MEST: variants seen among roughly 807,000 people sequenced by gnomAD.
MEST encodes mesoderm specific transcript.
Under a neutral mutation model 50.9 loss-of-function variants are expected in MEST, and 18 were observed. The ratio of observed to expected loss-of-function variants is 0.35; its 90% CI spans 0.24 to 0.52. The LOEUF (loss-of-function observed/expected upper bound fraction) is 0.52, where lower values mean the gene tolerates loss of function less well. MEST is among the 20% of genes least tolerant of loss of function. The pLI is 0.94. For synonymous variants in MEST, 130 were observed against 154.1 expected (o/e 0.84, Z 1.16); for missense variants, 282 against 425.3 (o/e 0.66, Z 2.96).
At chr7:130,495,343 C>T (rs782444446) in intron 1 of MEST, 25 bp from the exon 2 acceptor site, 1 of 1,583,956 alleles carries the variant, frequency 6.3e-7, no homozygotes, top group East Asian at 2.3e-5. Flanking sequence ...TGACTGCTTA[C>T]AGTGGGTCTC....
At chr7:130,494,452 G>A (rs1319137515) in intron 1 of MEST, 1 of 152,302 alleles carries the variant, frequency 6.6e-6, no homozygotes, top group South Asian at 2.1e-4. Flanking sequence ...TTGTCAATGT[G>A]GATAAACTGA....
rs143264785 is a variant in MEST at position 130,504,951 on chromosome 7, G to A, written c.903G>A (p.Pro301=). ...TCTCTTCCACTAGGAAAACGCTGCC[G>A]CGGTCCACAGTGTCGATTCTGGATG... ...EFLELYRKTL[P]RSTVSILDDH... The change falls in exon 12 of 12, where the codon CCG becomes CCA. Residue 301 remains proline (P), a synonymous_variant. Coordinates refer to ENST00000223215, the MANE Select transcript of MEST (RefSeq NM_002402.4). 3.5e-5 allele frequency: 57 copies of A among 1,613,680 alleles called. No individual in the cohort carries two copies. Among genetic ancestry groups the A allele is most frequent in the African/African-American group, 1.1e-4 (8 of 75,000 alleles).
Position 130,492,698 on chromosome 7 carries a change from G to T in MEST, c.26+359G>T, listed in dbSNP as rs141416979. 1.3e-3 allele frequency: 291 copies of T among 224,516 alleles called. No individual in the cohort carries two copies. The highest frequency in any genetic ancestry group is 6.2e-3 in the African/African-American group (274 of 44,068). 13.9% of individuals were successfully genotyped at this position (224,516 alleles called of 1,614,324 possible). ...ATTTTTAGATCCTGGCATCACCCTGGTGCGATTTAGGATTTTTATACTCAG... is the reference window on the plus strand; with the variant it reads ...ATTTTTAGATCCTGGCATCACCCTGTTGCGATTTAGGATTTTTATACTCAG... On this transcript the variant is annotated intron_variant, in intron 1 of 11. Transcript: ENST00000223215. The surrounding 1 kb of genome is among the most constrained non-coding windows in gnomAD (Gnocchi z 7.6).
At chr7:130,491,287 C>G (rs1460071334), upstream of MEST, 3 of 152,302 alleles carry the variant, frequency 2.0e-5, no homozygotes, top group African/African-American at 7.2e-5. The surrounding 1 kb of genome is among the most constrained non-coding windows in gnomAD (Gnocchi z 6.8). Context: ...GCCCACTGTT[C>G]TGTGCAGCGC....
In MEST at chr7:130,492,482, C is replaced by T. The variant is rs1228199274; in HGVS notation, c.26+143C>T. ...CGACAGGCGGCACGCATTCCGCGCC[C>T]GCTCTGCCTACTTGAGGAGGGGGTG... On this transcript the variant is annotated intron_variant, in intron 1 of 11. Transcript: ENST00000223215. The surrounding 1 kb of genome is among the most constrained non-coding windows in gnomAD (Gnocchi z 7.6). 2 of 614,248 alleles carry T rather than the reference C, an allele frequency of 3.3e-6. No individual in the cohort carries two copies. The highest frequency in any genetic ancestry group is 4.7e-6 in the Non-Finnish European group (2 of 424,048). 38.0% of individuals were successfully genotyped at this position (614,248 alleles called of 1,614,324 possible).
chr7:130,497,713 G>C lies in MEST; in HGVS notation c.262-223G>C. ...GGAATAAACAACTCCTTGGCACTCT[G>C]GAAGGGATCACTGCCAAGTTACCCT... On this transcript the variant is annotated intron_variant, in intron 3 of 11. Transcript: ENST00000223215. This position sits in a 1 kb window ranked among gnomAD's most constrained non-coding sequence, Gnocchi z 4.0. The C allele has an allele frequency of 1.7e-6, 1 of 581,760 alleles. No homozygotes were observed. The highest frequency in any genetic ancestry group is 3.1e-6 in the Non-Finnish European group (1 of 325,494). 36.0% of individuals were successfully genotyped at this position (581,760 alleles called of 1,614,324 possible).
upstream of MEST, chr7:130,491,554 G>C (rs1425785583): frequency 2.0e-5 from 3 of 152,330 alleles, no homozygotes; most frequent in Non-Finnish European, 4.4e-5. The surrounding 1 kb of genome is among the most constrained non-coding windows in gnomAD (Gnocchi z 6.8). Context: ...CGGTAGTTAA[G>C]CTTAGGGCGC....
At chr7:130,488,868 C>G (rs1798699920), upstream of MEST, 1 of 152,060 alleles carries the variant, frequency 6.6e-6, no homozygotes, top group East Asian at 1.9e-4. Context: ...TTGGTACTTC[C>G]CCTCAGTCTG....
rs782177778 is a variant in MEST at position 130,500,883 on chromosome 7, A to G, written c.742A>G (p.Ile248Val). 6.2e-7 allele frequency: 1 copy of G among 1,613,536 alleles called. No individual in the cohort carries two copies. Among genetic ancestry groups the G allele is most frequent in the Non-Finnish European group, 8.5e-7 (1 of 1,179,792 alleles). ...GIRNNDGNLV[I>V]DSLLQYINQR... ...CCGCAACAATGACGGGAACTTAGTC[A>G]TTGACAGGTAAGAAGTTACCCTTTG... The change falls in exon 9 of 12, where the codon ATT becomes GTT. Residue 248 changes from isoleucine (I) to valine (V), a missense_variant. Transcript: ENST00000223215. This position sits in a 1 kb window ranked among gnomAD's most constrained non-coding sequence, Gnocchi z 5.0.
Position 130,500,856 on chromosome 7 carries a change from A to G in MEST, c.715A>G (p.Ile239Val). 1 of 1,613,986 alleles carries G rather than the reference A, an allele frequency of 6.2e-7. No homozygotes were observed. Among genetic ancestry groups the G allele is most frequent in the Non-Finnish European group, 8.5e-7 (1 of 1,179,958 alleles). Residue 239 changes from isoleucine to valine, a missense_variant, in exon 9 of 12, where the codon ATC (isoleucine) becomes GTC (valine). Coordinates refer to ENST00000223215, the MANE Select transcript of MEST (RefSeq NM_002402.4). The surrounding 1 kb of genome is among the most constrained non-coding windows in gnomAD (Gnocchi z 5.0). Reference sequence around the variant, plus strand: ...TGAGCTGTGGGACATGTGGGCAGGGATCCGCAACAATGACGGGAACTTAGT... The same window carrying G: ...TGAGCTGTGGGACATGTGGGCAGGGGTCCGCAACAATGACGGGAACTTAGT... The part of the protein sequence containing the change: ...ESELWDMWAG[I>V]RNNDGNLVID...
chr7:130,498,560 GATA>G (rs1554437814), intron 6 of MEST, 83 bp downstream of exon 6: 2 of 1,244,008 alleles, frequency 1.6e-6, no homozygotes, highest in Admixed American at 3.5e-5. Flanking sequence ...ATGGTAATCT[GATA>G]ATATTTCAAG....
At chr7:130,498,667 TTAA>T in intron 6 of MEST, 190 bp downstream of exon 6, 1 of 623,474 alleles carries the variant, frequency 1.6e-6, no homozygotes, top group Non-Finnish European at 2.8e-6. Flanking sequence ...TCAGAATGTT[TTAA>T]AATAAAGAAA....
At chr7:130,493,628 ACCC>A (rs1243485371) in intron 1 of MEST, among the ~76,000 whole-genome samples, 1 of 150,782 alleles carries the variant, frequency 6.6e-6, no homozygotes, top group Non-Finnish European at 1.5e-5. Flanking sequence ...TCGTTTTTTA[ACCC>A]CCCACTTTCC....
At chr7:130,504,145 G>T in intron 11 of MEST, 149 bp downstream of exon 11, 1 of 620,838 alleles carries the variant, frequency 1.6e-6, no homozygotes, top group Non-Finnish European at 2.9e-6. Context: ...ATTGAGTTGA[G>T]GAATCTTATT....
At chr7:130,488,698 A>T (rs1422272888), upstream of MEST, 1 of 152,250 alleles carries the variant, frequency 6.6e-6, no homozygotes, top group Non-Finnish European at 1.5e-5. Context: ...GGAGCTTAAA[A>T]TACGAGAACT....
chr7:130,502,291 G>A (rs1241507492), intron 9 of MEST, among the ~76,000 whole-genome samples: 1 of 152,200 alleles, frequency 6.6e-6, no homozygotes, highest in Non-Finnish European at 1.5e-5. Flanking sequence ...ATATGTTTGA[G>A]TCAGAGAGGT....
chr7:130,492,360 AG>A lies in MEST; in HGVS notation c.26+26del, dbSNP rs782732768. 2.3e-5 allele frequency: 30 copies of A among 1,306,300 alleles called. No homozygotes were observed. Among genetic ancestry groups the A allele is most frequent in the South Asian group, 2.7e-5 (1 of 37,584 alleles). 80.9% of individuals were successfully genotyped at this position (1,306,300 alleles called of 1,614,324 possible). On this transcript the variant is annotated intron_variant, in intron 1 of 11. Coordinates refer to ENST00000223215, the MANE Select transcript of MEST (RefSeq NM_002402.4). The surrounding 1 kb of genome is among the most constrained non-coding windows in gnomAD (Gnocchi z 7.6). ...CGCAGGTGAGTGTGCGGTGGGAACG[AG>A]GGGGTGTGGCTGGCGGCCCTGGGAC...
rs1554436598 is a variant in MEST, at chr7:130,495,532, G to C, written c.181+10G>C. 1 of 1,612,712 alleles carries C rather than the reference G, an allele frequency of 6.2e-7. No individual in the cohort carries two copies. Among genetic ancestry groups the C allele is most frequent in the East Asian group, 2.2e-5 (1 of 44,838 alleles). ...CGTATCTTCTACCAAGGTAAGAAGT[G>C]GACTATTGGAAGTCCTGCGTGTATC... On this transcript the variant is annotated intron_variant, in intron 2 of 11. Transcript: ENST00000223215.
At chr7:130,487,480 A>G (rs186882228), upstream of MEST, 5 of 152,264 alleles carry the variant, frequency 3.3e-5, no homozygotes, top group African/African-American at 7.2e-5. Context: ...AGAAACAACC[A>G]TCTGTCATTT....
Sources: allele counts gnomAD v4.1 joint callset (sites outside exome capture counted in the v4.1 genomes callset), GRCh38; gene constraint gnomAD v4.1.1; non-coding constraint Gnocchi (gnomAD v3.1); transcripts MANE v1.5; gene names NCBI Gene and HGNC (gene_info 2026-07-23, HGNC 2026-07-21).